Variants in UNC5C observed in about 807,000 individuals in gnomAD.
The protein encoded by UNC5C is netrin receptor UNC5C.
In UNC5C, 47 loss-of-function variants were observed where a neutral mutation model predicts 99.8. That is an observed-to-expected ratio of 0.47 (90% CI 0.37 to 0.60). The LOEUF (loss-of-function observed/expected upper bound fraction) is 0.60. Among genes scored for constraint, UNC5C ranks in the 20% least tolerant of loss-of-function variants. UNC5C has a pLI of 0.00. For missense variants in UNC5C, 1,062 were observed against 1,165.9 expected (o/e 0.91, Z 1.30); for synonymous variants, 487 against 452.2 (o/e 1.08, Z -0.98).
At chr4:95,176,619 G>A (rs1736360482) in intron 14 of UNC5C, among the ~76,000 whole-genome samples, 1 of 152,150 alleles carries the variant, frequency 6.6e-6, no homozygotes, top group Admixed American at 6.5e-5. Flanking sequence ...CCAGCTGCGT[G>A]CTGGGAGAAC....
At chr4:95,453,536 T>C (rs370748649) in intron 1 of UNC5C, among the ~76,000 whole-genome samples, 10 of 152,150 alleles carry the variant, frequency 6.6e-5, no homozygotes, top group Non-Finnish European at 1.3e-4. Flanking sequence ...CAGAACCCAG[T>C]AAAATCATTT....
At chr4:95,522,160 G>A (rs1722377604) in intron 1 of UNC5C, among the ~76,000 whole-genome samples, 1 of 151,714 alleles carries the variant, frequency 6.6e-6, no homozygotes, top group South Asian at 2.1e-4. Flanking sequence ...TTGTATAAAG[G>A]TATAGTTTAT....
intron 3 of UNC5C, among the ~76,000 whole-genome samples, chr4:95,297,350 A>T: frequency 6.6e-6 from 1 of 152,198 alleles, no homozygotes; most frequent in Admixed American, 6.5e-5. Context: ...CAAAGAGAAA[A>T]TCTATTTAGA....
At chr4:95,443,948 C>T (rs1747022037) in intron 1 of UNC5C, among the ~76,000 whole-genome samples, 1 of 152,096 alleles carries the variant, frequency 6.6e-6, no homozygotes, top group African/African-American at 2.4e-5. Context: ...TATACATAAA[C>T]ATATATTAAT....
At chr4:95,419,856 A>G (rs1746268466) in intron 1 of UNC5C, among the ~76,000 whole-genome samples, 1 of 152,136 alleles carries the variant, frequency 6.6e-6, no homozygotes, top group African/African-American at 2.4e-5. Context: ...ACAAAGGATC[A>G]TTGGCCTCTA....
chr4:95,326,809 T>G (rs537181061), intron 2 of UNC5C, among the ~76,000 whole-genome samples: 1 of 152,314 alleles, frequency 6.6e-6, no homozygotes, highest in African/African-American at 2.4e-5. Context: ...GAGAATAAAT[T>G]TTTGTTTAAG....
chr4:95,177,990 G>A (rs1736440659), intron 14 of UNC5C, among the ~76,000 whole-genome samples: 1 of 152,000 alleles, frequency 6.6e-6, no homozygotes, highest in South Asian at 2.1e-4. Flanking sequence ...TTACAGGTGT[G>A]AGCCACCATA....
At chr4:95,380,644 A>C (rs924979569) in intron 1 of UNC5C, among the ~76,000 whole-genome samples, 1 of 152,106 alleles carries the variant, frequency 6.6e-6, no homozygotes, top group Non-Finnish European at 1.5e-5. Flanking sequence ...ACAAAACAAA[A>C]CAAAAACCCT....
chr4:95,169,702 C>G (rs1052387613), intron 15 of UNC5C, among the ~76,000 whole-genome samples: 2 of 152,182 alleles, frequency 1.3e-5, no homozygotes, highest in African/African-American at 4.8e-5. Flanking sequence ...CTTGGATGAT[C>G]TTTGACAGGT....
At chr4:95,222,090 A>AAT in intron 7 of UNC5C, 1 of 603,306 alleles carries the variant, frequency 1.7e-6, no homozygotes, top group Non-Finnish European at 2.5e-6. Flanking sequence ...TTCATGTTAG[A>AAT]ATATATTAGG....
In UNC5C at chr4:95,333,069, C is replaced by A. The variant is rs147507706; in HGVS notation, c.346+2341G>T. Reference sequence around the variant, plus strand: ...TGGCAATCATTAAAAAGTCAGGAAGCAGTAGGTGCTAGAGAGGGTGTGGAG... The same window carrying A: ...TGGCAATCATTAAAAAGTCAGGAAGAAGTAGGTGCTAGAGAGGGTGTGGAG... On this transcript the variant is annotated intron_variant, in intron 2 of 15. Coordinates refer to ENST00000453304, the MANE Select transcript of UNC5C (RefSeq NM_003728.4). 2.1e-4 allele frequency among the ~76,000 whole-genome samples: 32 copies of A among 152,242 alleles called. No individual in the cohort carries two copies. In the East Asian group the frequency reaches 6.2e-3, roughly 29 times the overall value.
intron 1 of UNC5C, among the ~76,000 whole-genome samples, chr4:95,465,101 A>G (rs1023731612): frequency 6.6e-6 from 1 of 152,182 alleles, no homozygotes; most frequent in Non-Finnish European, 1.5e-5. Flanking sequence ...AAGCCTCACT[A>G]AGGCGCATCG....
chr4:95,176,581 AG>A (rs1323808998), intron 14 of UNC5C, among the ~76,000 whole-genome samples: 1 of 151,968 alleles, frequency 6.6e-6, no homozygotes, highest in African/African-American at 2.4e-5. Flanking sequence ...GACCCACTTG[AG>A]GAGGCAGTCT....
At chr4:95,181,471 C>T (rs950588719) in intron 14 of UNC5C, among the ~76,000 whole-genome samples, 32 of 152,094 alleles carry the variant, frequency 2.1e-4, no homozygotes, top group Non-Finnish European at 1.3e-4. Context: ...AAGGACCAGA[C>T]CCCCTCACCC....
chr4:95,420,534 A>G lies in UNC5C; in HGVS notation c.125-84903T>C, dbSNP rs549036387. Among the ~76,000 whole-genome samples, 8 of 152,326 alleles carry G rather than the reference A, an allele frequency of 5.3e-5. No homozygotes were observed. In the South Asian group the frequency reaches 1.4e-3, roughly 28 times the overall value. ...TTTATTGATGCATATGCTAAAATAT[A>G]TAAAATATTTTTTAGAGTTCTAAAT... On this transcript the variant is annotated intron_variant, in intron 1 of 15. Coordinates refer to ENST00000453304, the MANE Select transcript of UNC5C (RefSeq NM_003728.4).
chr4:95,348,184 A>G (rs1443879071), intron 1 of UNC5C, among the ~76,000 whole-genome samples: 1 of 152,124 alleles, frequency 6.6e-6, no homozygotes, highest in African/African-American at 2.4e-5. Context: ...CATTATAGAA[A>G]TGCAAATCAA....
chr4:95,532,265 CT>C (rs1722666074), intron 1 of UNC5C, among the ~76,000 whole-genome samples: 1 of 152,084 alleles, frequency 6.6e-6, no homozygotes, highest in South Asian at 2.1e-4. Context: ...GAAGCACTCA[CT>C]CCTGAGATAG....
At chr4:95,427,994 ACCATTT>A (rs1439113518) in intron 1 of UNC5C, among the ~76,000 whole-genome samples, 1 of 151,926 alleles carries the variant, frequency 6.6e-6, no homozygotes, top group Non-Finnish European at 1.5e-5. Context: ...ATTCATGACT[ACCATTT>A]CTCTTCCATC....
At chr4:95,303,521 C>T (rs1211442020) in intron 2 of UNC5C, among the ~76,000 whole-genome samples, 1 of 151,914 alleles carries the variant, frequency 6.6e-6, no homozygotes, top group African/African-American at 2.4e-5. Context: ...ACTAAAAATA[C>T]AAAAATTAGC....
Sources: gnomAD v4.1 joint callset for allele counts (sites outside exome capture counted in the v4.1 genomes callset) on GRCh38, gnomAD v4.1.1 for gene constraint, MANE v1.5 for transcripts, NCBI Gene and HGNC (gene_info 2026-07-23, HGNC 2026-07-21) for gene names.